Variants in DACH1 observed in about 807,000 individuals in gnomAD.
The protein encoded by DACH1 is dachshund homolog 1.
Under a neutral mutation model 54.2 loss-of-function variants are expected in DACH1, and 12 were observed. That is an observed-to-expected ratio of 0.22 (90% confidence interval 0.14 to 0.36). The LOEUF is 0.36. Among genes scored for constraint, DACH1 ranks in the 10% least tolerant of loss-of-function variants. The pLI, the probability that DACH1 is intolerant of heterozygous loss-of-function variation, is 1.00. For missense variants in DACH1, 805 were observed against 929.8 expected, an observed-to-expected ratio of 0.87 and a Z score of 1.75; for synonymous variants, 386 against 366.2, an observed-to-expected ratio of 1.05 and a Z score of -0.62.
intron 3 of DACH1, among the ~76,000 whole-genome samples, chr13:71,603,812 TG>T (rs1874684538): frequency 6.6e-6 from 1 of 151,968 alleles, no homozygotes. Context: ...ACCTAAATTT[TG>T]TATGTGATAC....
chr13:71,457,308 G>A (rs571635359), intron 10 of DACH1, among the ~76,000 whole-genome samples: 8 of 152,050 alleles, frequency 5.3e-5, no homozygotes, highest in African/African-American at 1.9e-4. Flanking sequence ...CTTAATGCAA[G>A]AGTTGAATTG....
intron 1 of DACH1, among the ~76,000 whole-genome samples, chr13:71,824,974 C>T (rs1002316091): frequency 6.6e-6 from 1 of 151,586 alleles, no homozygotes; most frequent in East Asian, 1.9e-4. Context: ...AAAGAATGAC[C>T]CAAATAATGA....
chr13:71,646,341 A>T (rs1425380658), intron 2 of DACH1, among the ~76,000 whole-genome samples: 1 of 152,086 alleles, frequency 6.6e-6, no homozygotes, highest in Non-Finnish European at 1.5e-5. Context: ...CCGTCTCAAA[A>T]AAAAAAAAGA....
intron 2 of DACH1, among the ~76,000 whole-genome samples, chr13:71,676,979 T>C: frequency 6.6e-6 from 1 of 152,206 alleles, no homozygotes; most frequent in Non-Finnish European, 1.5e-5. Flanking sequence ...ATAATTTTTA[T>C]ATGTCAAAGG....
Position 71,549,419 on chromosome 13 carries a change from C to A in DACH1, c.1570+7605G>T, listed in dbSNP as rs149334188. On this transcript the variant is annotated intron_variant, in intron 6 of 10. Transcript: ENST00000613252. ...AGTGGAATAATAGTTTTTTTAAATGCGGAAAAGGCATCTCATCTGATCACA... is the reference window on the plus strand; with the variant it reads ...AGTGGAATAATAGTTTTTTTAAATGAGGAAAAGGCATCTCATCTGATCACA... Among the ~76,000 whole-genome samples, 785 of 151,998 alleles carry A rather than the reference C, an allele frequency of 5.2e-3. 6 individuals carry two copies. The highest frequency in any genetic ancestry group is 0.028 in the East Asian group (144 of 5,170).
intron 6 of DACH1, among the ~76,000 whole-genome samples, chr13:71,500,148 C>T (rs770881881): frequency 6.6e-6 from 1 of 152,130 alleles, no homozygotes; most frequent in Non-Finnish European, 1.5e-5. Flanking sequence ...CCTTATTGTG[C>T]TGTGACCTTG....
At chr13:71,476,230 C>T (rs922457601) in intron 8 of DACH1, among the ~76,000 whole-genome samples, 8 of 152,146 alleles carry the variant, frequency 5.3e-5, no homozygotes, top group African/African-American at 9.7e-5. Flanking sequence ...TTGGATAGTG[C>T]AAACGCTTAT....
At chr13:71,735,066 T>G (rs1883955698) in intron 1 of DACH1, among the ~76,000 whole-genome samples, 1 of 150,816 alleles carries the variant, frequency 6.6e-6, no homozygotes, top group South Asian at 2.1e-4. Context: ...GTGATACATA[T>G]ATATGGGATA....
chr13:71,556,973 T>C (rs758464788), intron 6 of DACH1, 51 bp downstream of exon 6: 9 of 1,515,348 alleles, frequency 5.9e-6, no homozygotes, highest in Non-Finnish European at 8.0e-6. Flanking sequence ...AAAATCTAGT[T>C]CTAAAATCTA....
chr13:71,618,923 A>T (rs115875615), intron 3 of DACH1, among the ~76,000 whole-genome samples: 5,920 of 151,806 alleles, frequency 0.039, 411 homozygotes, highest in African/African-American at 0.14. Flanking sequence ...ACTTAAGATT[A>T]CAATGTATTT....
At chr13:71,497,534 G>T (rs1447503080) in intron 6 of DACH1, among the ~76,000 whole-genome samples, 1 of 152,020 alleles carries the variant, frequency 6.6e-6, no homozygotes, top group Non-Finnish European at 1.5e-5. Context: ...GTTTCTCCAT[G>T]TTGGTCATGC....
chr13:71,734,890 T>TCCCATATACGTATAC (rs1883937505), intron 1 of DACH1, among the ~76,000 whole-genome samples: 1 of 142,946 alleles, frequency 7.0e-6, no homozygotes, highest in South Asian at 2.1e-4. Flanking sequence ...TATACGTATA[T>TCCCATATACGTATAC]CCCATATACA....
intron 2 of DACH1, among the ~76,000 whole-genome samples, chr13:71,638,850 T>C (rs1223381995): frequency 6.6e-6 from 1 of 152,202 alleles, no homozygotes; most frequent in African/African-American, 2.4e-5. Context: ...ATGCCTTACA[T>C]AGTCATTCAT....
intron 1 of DACH1, among the ~76,000 whole-genome samples, chr13:71,737,277 A>G (rs989167767): frequency 1.3e-5 from 2 of 152,148 alleles, no homozygotes; most frequent in African/African-American, 4.8e-5. Context: ...CAGAAGAGAG[A>G]ACTAGGCGTT....
intron 1 of DACH1, chr13:71,846,434 A>T (rs1003571765): frequency 3.3e-5 from 5 of 152,944 alleles, no homozygotes; most frequent in African/African-American, 1.2e-4. Flanking sequence ...TGAGGTTGGG[A>T]GTTCGGAGCG....
chr13:71,734,189 A>G (rs1272043523), intron 1 of DACH1, among the ~76,000 whole-genome samples: 1 of 39,824 alleles, frequency 2.5e-5, no homozygotes, highest in African/African-American at 1.2e-4. Context: ...TATATCCCAT[A>G]TACGTATACC....
chr13:71,639,878 G>T (rs1594029704), intron 2 of DACH1, among the ~76,000 whole-genome samples: 1 of 151,942 alleles, frequency 6.6e-6, no homozygotes. Context: ...GCACTATGAG[G>T]TCTTAAATAT....
intron 1 of DACH1, among the ~76,000 whole-genome samples, chr13:71,824,999 C>T (rs1888325001): frequency 6.6e-6 from 1 of 151,766 alleles, no homozygotes; most frequent in Non-Finnish European, 1.5e-5. Flanking sequence ...TTAAGGAGGC[C>T]CCCACAGGAG....
chr13:71,442,857 GTC>G (rs1874131173), intron 10 of DACH1, among the ~76,000 whole-genome samples: 1 of 151,730 alleles, frequency 6.6e-6, no homozygotes. Flanking sequence ...TAGCCTTTCT[GTC>G]TCTCAAAATA....
Sources: gnomAD v4.1 joint callset for allele counts (sites outside exome capture counted in the v4.1 genomes callset) on GRCh38, gnomAD v4.1.1 for gene constraint, MANE v1.5 for transcripts, NCBI Gene and HGNC (gene_info 2026-07-23, HGNC 2026-07-21) for gene names.